The following PPA2 variants were observed in gnomAD, a reference collection of about 807,000 sequenced individuals.
PPA2 encodes the protein inorganic pyrophosphatase 2, mitochondrial.
A neutral mutation model predicts 49.5 loss-of-function variants in PPA2; 48 were observed. The observed-to-expected ratio is 0.97, with a 90% CI of 0.77 to 1.23. The LOEUF (loss-of-function observed/expected upper bound fraction) is 1.23. PPA2 is among the 50% of genes most tolerant of loss of function. The pLI is 0.00. For missense variants in PPA2, 429 were observed against 410.1 expected, an observed-to-expected ratio of 1.05 and a Z score of -0.40; for synonymous variants, 131 against 139.9, an observed-to-expected ratio of 0.94 and a Z score of 0.45.
intron 4 of PPA2, 30 bp downstream of exon 4, chr4:105,449,320 C>T (rs904939960): frequency 5.9e-6 from 8 of 1,358,292 alleles, no homozygotes; most frequent in African/African-American, 3.0e-5. Flanking sequence ...ATAATCATTT[C>T]GGTTTCATAT....
At chr4:105,471,691 T>C (rs1385730286) in intron 1 of PPA2, among the ~76,000 whole-genome samples, 1 of 152,168 alleles carries the variant, frequency 6.6e-6, no homozygotes, top group Non-Finnish European at 1.5e-5. Context: ...CCTTACCCCA[T>C]TCGCCCTAGA....
chr4:105,429,841 A>G (rs1355164208), intron 6 of PPA2, among the ~76,000 whole-genome samples: 3 of 152,220 alleles, frequency 2.0e-5, no homozygotes, highest in South Asian at 2.1e-4. Flanking sequence ...AACATAATAG[A>G]GTAAAGCCTT....
Position 105,474,039 on chromosome 4 carries a change from C to T in PPA2, c.12G>A (p.Leu4=). The change falls in exon 1 of 12, where the codon CTG becomes CTA. Residue 4 remains leucine, a synonymous_variant. Transcript: ENST00000341695. Reference sequence around the variant, plus strand: ...GGGCACCCGTGCGCAGCAGCCGCAGCAGCGCGCTCATGGCGTCAATGACGG... The same window carrying T: ...GGGCACCCGTGCGCAGCAGCCGCAGTAGCGCGCTCATGGCGTCAATGACGG... The part of the protein sequence containing the change: MSA[L]LRLLRTGAPA... 2 of 1,590,376 alleles carry T rather than the reference C, an allele frequency of 1.3e-6. No individual in the cohort carries two copies. Among genetic ancestry groups the T allele is most frequent in the Non-Finnish European group, 8.6e-7 (1 of 1,168,062 alleles).
intron 10 of PPA2, 70 bp downstream of exon 10, chr4:105,386,497 T>C: frequency 7.0e-7 from 1 of 1,428,012 alleles, no homozygotes. Context: ...TGCTAGAGAT[T>C]TCAGAATTTC....
At chr4:105,423,147 T>C (rs564798194) in intron 7 of PPA2, 1 of 152,164 alleles carries the variant, frequency 6.6e-6, no homozygotes, top group Non-Finnish European at 1.5e-5. Flanking sequence ...TGAGCTCATA[T>C]TTTAATTGTA....
chr4:105,443,348 CAGA>C (rs375915362), intron 5 of PPA2, among the ~76,000 whole-genome samples: 189 of 146,912 alleles, frequency 1.3e-3, no homozygotes, highest in African/African-American at 4.7e-3. Flanking sequence ...AAGCAGAAGG[CAGA>C]AGGAGAGTTG....
chr4:105,471,425 C>T (rs1723518897), intron 1 of PPA2, among the ~76,000 whole-genome samples: 1 of 152,056 alleles, frequency 6.6e-6, no homozygotes, highest in Admixed American at 6.5e-5. Context: ...AAAGAGAAAC[C>T]ATTTACAGAC....
intron 1 of PPA2, among the ~76,000 whole-genome samples, chr4:105,460,803 T>G (rs533886895): frequency 6.7e-6 from 1 of 150,242 alleles, no homozygotes; most frequent in African/African-American, 2.5e-5. Flanking sequence ...TCCCCAAAGA[T>G]CCAATGCTCT....
At chr4:105,458,216 T>C (rs1479270306) in intron 1 of PPA2, among the ~76,000 whole-genome samples, 2 of 152,132 alleles carry the variant, frequency 1.3e-5, no homozygotes, top group African/African-American at 4.8e-5. Context: ...TAAGGAAATA[T>C]GATGACTAAA....
At chr4:105,372,097 G>T (rs959138720) in intron 10 of PPA2, among the ~76,000 whole-genome samples, 1 of 152,184 alleles carries the variant, frequency 6.6e-6, no homozygotes, top group Non-Finnish European at 1.5e-5. Flanking sequence ...GTGTAGCCTG[G>T]TTTCTACACA....
At position 105,423,143 on chromosome 4, in the gene PPA2, C is replaced by T. The variant is rs369428654; in HGVS notation, c.655+1053G>A. 9.2e-5 allele frequency: 14 copies of T among 152,112 alleles called. No individual in the cohort carries two copies. The South Asian group carries it at 2.7e-3, about 29-fold the overall frequency. 9.4% of individuals were successfully genotyped at this position (152,112 alleles called of 1,614,324 possible). On this transcript the variant is annotated intron_variant, in intron 7 of 11. Transcript: ENST00000341695. ...TATATATGGTTTATAGACTTGAGCTCATATTTTAATTGTAGTTTTCACATT... is the reference window on the plus strand; with the variant it reads ...TATATATGGTTTATAGACTTGAGCTTATATTTTAATTGTAGTTTTCACATT...
chr4:105,425,723 T>TACACACACAC (rs59144523), intron 6 of PPA2, among the ~76,000 whole-genome samples: 6 of 122,448 alleles, frequency 4.9e-5, no homozygotes, highest in Non-Finnish European at 8.9e-5. Flanking sequence ...CACATGCACA[T>TACACACACAC]ACACACACAC....
intron 10 of PPA2, among the ~76,000 whole-genome samples, chr4:105,380,820 T>G (rs1331765966): frequency 6.6e-6 from 1 of 152,162 alleles, no homozygotes; most frequent in Non-Finnish European, 1.5e-5. Flanking sequence ...TTTCACCCAG[T>G]CTCTTATCAA....
intron 9 of PPA2, among the ~76,000 whole-genome samples, chr4:105,391,886 G>GTATGAGTAAAGAAATAAAGCATTACTT: frequency 6.8e-6 from 1 of 146,104 alleles, no homozygotes; most frequent in Admixed American, 6.8e-5. Flanking sequence ...TAAAAAAAGA[G>GTATGAGTAAAGAAATAAAGCATTACTT]TATGAGTAAA....
At chr4:105,419,043 G>T (rs1462515861) in intron 7 of PPA2, among the ~76,000 whole-genome samples, 1 of 152,128 alleles carries the variant, frequency 6.6e-6, no homozygotes, top group African/African-American at 2.4e-5. Flanking sequence ...GGTGTCCTGG[G>T]AGTCTTATTA....
At chr4:105,411,625 G>C (rs539287925) in intron 7 of PPA2, among the ~76,000 whole-genome samples, 1 of 152,078 alleles carries the variant, frequency 6.6e-6, no homozygotes, top group Non-Finnish European at 1.5e-5. Context: ...AAGGGTATTC[G>C]ATAAGGAAAA....
At position 105,386,613 on chromosome 4, in the gene PPA2, C is replaced by A. The variant is rs1578802796; in HGVS notation, c.893G>T (p.Ser298Ile). Residue 298 changes from serine (S) to isoleucine (I), a missense_variant, in exon 10 of 12, where the codon AGC becomes ATC. Transcript: ENST00000341695. ...INCTNVQISD[S>I]PFRCTQEEAR... ...TTCCTCTTGAGTGCAACGGAAAGGGCTATCAGATATCTGCACGTTTGTGCT... is the reference window on the plus strand; with the variant it reads ...TTCCTCTTGAGTGCAACGGAAAGGGATATCAGATATCTGCACGTTTGTGCT... 6.2e-7 allele frequency: 1 copy of A among 1,612,494 alleles called. No individual in the cohort carries two copies. Among genetic ancestry groups the A allele is most frequent in the Non-Finnish European group, 8.5e-7 (1 of 1,178,932 alleles).
At position 105,419,517 on chromosome 4, in the gene PPA2, A is replaced by G. The variant is rs141961230; in HGVS notation, c.655+4679T>C. Among the ~76,000 whole-genome samples, 418 of 152,304 alleles carry G rather than the reference A, an allele frequency of 2.7e-3. 2 individuals are homozygous for G. The highest frequency in any genetic ancestry group is 9.4e-3 in the African/African-American group (390 of 41,568). ...CATTTTTTAGACTTTTACAGTGGCT[A>G]CTCCATTTTTAGAAGGTGAAACTAG... On this transcript the variant is annotated intron_variant, in intron 7 of 11. Transcript: ENST00000341695.
At chr4:105,425,172 G>A (rs146210160) in intron 6 of PPA2, among the ~76,000 whole-genome samples, 1 of 152,186 alleles carries the variant, frequency 6.6e-6, no homozygotes, top group East Asian at 1.9e-4. Context: ...CCAGGCACTC[G>A]ACATAACACA....
Sources: gnomAD v4.1 joint callset for allele counts (sites outside exome capture counted in the v4.1 genomes callset) on GRCh38, gnomAD v4.1.1 for gene constraint, MANE v1.5 for transcripts, NCBI Gene and HGNC (gene_info 2026-07-23, HGNC 2026-07-21) for gene names.